Variants in CDK5RAP2 observed in about 807,000 individuals in gnomAD.
CDK5RAP2 encodes CDK5 regulatory subunit associated protein 2, also known as CDK5 regulatory subunit-associated protein 2.
Under a neutral mutation model 232.9 loss-of-function variants are expected in CDK5RAP2, and 147 were observed. That is an observed-to-expected ratio of 0.63 (90% CI 0.55 to 0.72). CDK5RAP2 has a LOEUF of 0.72. Among genes scored for constraint, CDK5RAP2 ranks in the 30% least tolerant of loss-of-function variants. The probability of loss-of-function intolerance (pLI) is 0.00; values close to 1 mark genes in which losing one functional copy is unlikely to be tolerated. For missense variants in CDK5RAP2, 2,195 were observed against 2,231.5 expected (o/e 0.98, Z 0.33); for synonymous variants, 833 against 833.7 (o/e 1.00, Z 0.01).
At chr9:120,517,937 G>C (rs947489134) in intron 12 of CDK5RAP2, 15 of 262,026 alleles carry the variant, frequency 5.7e-5, no homozygotes, top group African/African-American at 3.1e-4. Flanking sequence ...TTATGTACAA[G>C]GATGTTTGCT....
intron 3 of CDK5RAP2, among the ~76,000 whole-genome samples, chr9:120,559,271 G>A (rs910038563): frequency 3.9e-5 from 6 of 151,996 alleles, no homozygotes; most frequent in African/African-American, 1.2e-4. Flanking sequence ...GGTGGATCAC[G>A]AGGTCAGGAG....
chr9:120,536,570 T>G (rs751620281), intron 6 of CDK5RAP2, 44 bp from the exon 7 acceptor site: 2 of 1,580,620 alleles, frequency 1.3e-6, no homozygotes, highest in East Asian at 2.3e-5. Context: ...TTCAATACAA[T>G]TGGGAACATT....
intron 27 of CDK5RAP2, among the ~76,000 whole-genome samples, chr9:120,416,397 G>T (rs1239759466): frequency 6.6e-6 from 1 of 152,128 alleles, no homozygotes; most frequent in Non-Finnish European, 1.5e-5. Flanking sequence ...TCATTATGAA[G>T]GATACTGCAA....
chr9:120,439,972 T>A lies in CDK5RAP2; in HGVS notation c.3149A>T (p.Asp1050Val), dbSNP rs1354553161. The A allele has an allele frequency of 6.2e-7, 1 of 1,612,806 alleles. No homozygotes were observed. Among genetic ancestry groups the A allele is most frequent in the Admixed American group, 1.7e-5 (1 of 59,980 alleles). Reference protein sequence around the residue: ...DSDQQRSYEIDSEICPPDDLA... With the variant: ...DSDQQRSYEIVSEICPPDDLA... ...GTCATCAGGTGGGCAAATCTCAGAGTCTGAAAATCAAATACACTTATGTCA... is the reference window on the plus strand; with the variant it reads ...GTCATCAGGTGGGCAAATCTCAGAGACTGAAAATCAAATACACTTATGTCA... The change falls in exon 24 of 38, where the codon GAC becomes GTC. Residue 1050 changes from aspartate (D) to valine (V), a missense_variant and splice_region_variant. Physicochemically the swap from Asp to Val is radical, Grantham distance 152. Coordinates refer to ENST00000349780, the MANE Select transcript of CDK5RAP2 (RefSeq NM_018249.6).
At chr9:120,551,781 T>C (rs184030407) in intron 3 of CDK5RAP2, among the ~76,000 whole-genome samples, 13 of 152,272 alleles carry the variant, frequency 8.5e-5, no homozygotes, top group Non-Finnish European at 1.2e-4. Context: ...CCGGGGAAAC[T>C]TGAATAACAA....
intron 7 of CDK5RAP2, among the ~76,000 whole-genome samples, chr9:120,531,490 G>A (rs866394388): frequency 6.6e-6 from 1 of 152,082 alleles, no homozygotes; most frequent in Non-Finnish European, 1.5e-5. Context: ...CTCTGAGCCT[G>A]TGCCTCCTCA....
At chr9:120,478,759 C>A (rs1394084384) in intron 14 of CDK5RAP2, among the ~76,000 whole-genome samples, 1 of 152,102 alleles carries the variant, frequency 6.6e-6, no homozygotes, top group East Asian at 1.9e-4. Context: ...GAAGCCTGGG[C>A]AACAGAGCAA....
chr9:120,530,149 G>A lies in CDK5RAP2; in HGVS notation c.663-9C>T. On this transcript the variant is annotated splice_polypyrimidine_tract_variant and intron_variant, in intron 7 of 37. Coordinates refer to ENST00000349780, the MANE Select transcript of CDK5RAP2 (RefSeq NM_018249.6). ...TCAACTCCTCAATCAGTCTAAAAGA[G>A]AACAAAATTTAAATATTAATTCTAA... The A allele has an allele frequency of 1.2e-6, 2 of 1,608,860 alleles. No individual in the cohort carries two copies. The highest frequency in any genetic ancestry group is 1.1e-5 in the South Asian group (1 of 90,766).
intron 12 of CDK5RAP2, among the ~76,000 whole-genome samples, chr9:120,518,137 A>G (rs916051091): frequency 6.8e-6 from 1 of 146,310 alleles, no homozygotes. Flanking sequence ...GCACGATACA[A>G]AACTGTATTT....
intron 29 of CDK5RAP2, among the ~76,000 whole-genome samples, chr9:120,410,263 C>T (rs1297894657): frequency 6.6e-6 from 1 of 152,194 alleles, no homozygotes; most frequent in Admixed American, 6.5e-5. Context: ...CACCTCCTCC[C>T]TCAAGCGCCA....
intron 21 of CDK5RAP2, 119 bp from the exon 22 acceptor site, chr9:120,448,245 G>A (rs2036302005): frequency 1.8e-5 from 15 of 829,978 alleles, no homozygotes; most frequent in South Asian, 8.8e-5. Flanking sequence ...CAGACTTCTC[G>A]TTCCCATAAT....
chr9:120,451,382 A>G (rs2036472188), intron 21 of CDK5RAP2, among the ~76,000 whole-genome samples: 1 of 152,224 alleles, frequency 6.6e-6, no homozygotes, highest in South Asian at 2.1e-4. Context: ...GTATATCAGT[A>G]AAGTCCATCC....
At chr9:120,486,353 A>G (rs1006771955) in intron 14 of CDK5RAP2, among the ~76,000 whole-genome samples, 3 of 151,744 alleles carry the variant, frequency 2.0e-5, no homozygotes, top group African/African-American at 7.3e-5. Flanking sequence ...ACTAATTTGC[A>G]TAAGAGTTCT....
intron 28 of CDK5RAP2, among the ~76,000 whole-genome samples, chr9:120,413,813 G>GGGA (rs998852559): frequency 7.4e-6 from 1 of 135,878 alleles, no homozygotes; most frequent in Non-Finnish European, 1.6e-5. Context: ...TGAGCGAGGA[G>GGGA]GGAGGAGGGA....
chr9:120,479,380 T>C (rs2038188236), intron 14 of CDK5RAP2, among the ~76,000 whole-genome samples: 1 of 152,110 alleles, frequency 6.6e-6, no homozygotes, highest in African/African-American at 2.4e-5. Flanking sequence ...AAAGTCAAGA[T>C]GTTTACATAG....
At chr9:120,400,994 C>A (rs551175283) in intron 34 of CDK5RAP2, 109 bp from the exon 35 acceptor site, 5 of 1,232,904 alleles carry the variant, frequency 4.1e-6, no homozygotes, top group East Asian at 5.0e-5. Flanking sequence ...CTGTTTCACA[C>A]GCTGAGCGAA....
At chr9:120,398,159 AAG>A (rs1273758034) in intron 35 of CDK5RAP2, among the ~76,000 whole-genome samples, 1 of 152,196 alleles carries the variant, frequency 6.6e-6, no homozygotes, top group Non-Finnish European at 1.5e-5. Flanking sequence ...ATTGTTTCTA[AAG>A]CCTTGTATGT....
chr9:120,409,261 G>C lies in CDK5RAP2; in HGVS notation c.4470C>G (p.Ser1490Arg). 1 of 1,613,626 alleles carries C rather than the reference G, an allele frequency of 6.2e-7. No homozygotes were observed. The highest frequency in any genetic ancestry group is 8.5e-7 in the Non-Finnish European group (1 of 1,179,800). Residue 1490 changes from serine (S) to arginine (R), a missense_variant, in exon 30 of 38, where the codon AGC becomes AGG. Coordinates refer to ENST00000349780, the MANE Select transcript of CDK5RAP2 (RefSeq NM_018249.6). ...CATACTCCCGCTGAAGGTGCTCCAG[G>C]CTCACGGTCTTCCTGGAGAGGGACT... ...LRESLSRKTV[S>R]LEHLQREYAS...
chr9:120,572,030 G>C lies in CDK5RAP2; in HGVS notation c.71C>G (p.Pro24Arg). The change falls in exon 2 of 38, where the codon CCC (proline) becomes CGC (arginine). Residue 24 changes from proline (P) to arginine (R), a missense_variant. Pro to Arg is a moderately radical substitution (Grantham distance 103, BLOSUM62 -2). Coordinates refer to ENST00000349780, the MANE Select transcript of CDK5RAP2 (RefSeq NM_018249.6). ...GCCATCCAGGTCATCTGGTACACTG[G>C]GAACAAGGCCACTAGGAGAGAACAC... ...GTLSGCSGLV[P>R]SVPDDLDGIN... 1 of 1,613,464 alleles carries C rather than the reference G, an allele frequency of 6.2e-7. No individual in the cohort carries two copies. The highest frequency in any genetic ancestry group is 8.5e-7 in the Non-Finnish European group (1 of 1,179,386).
Sources: gnomAD v4.1 joint callset for allele counts (sites outside exome capture counted in the v4.1 genomes callset) on GRCh38, gnomAD v4.1.1 for gene constraint, MANE v1.5 for transcripts, NCBI Gene and HGNC (gene_info 2026-07-23, HGNC 2026-07-21) for gene names.